The following RERE variants were observed in gnomAD, a reference collection of about 807,000 sequenced individuals.
The protein encoded by RERE is arginine-glutamic acid dipeptide repeats.
In RERE, 40 loss-of-function variants were observed where a neutral mutation model predicts 146.1. The ratio of observed to expected loss-of-function variants is 0.27; its 90% confidence interval spans 0.21 to 0.36. The LOEUF (loss-of-function observed/expected upper bound fraction) is 0.36, where lower values mean the gene tolerates loss of function less well. Among genes scored for constraint, RERE ranks in the 10% least tolerant of loss-of-function variants. RERE has a pLI of 1.00. For synonymous variants in RERE, 1,003 were observed against 866.0 expected (o/e 1.16, Z -2.78); for missense variants, 1,933 against 2,138.7 (o/e 0.90, Z 1.90).
intron 1 of RERE, among the ~76,000 whole-genome samples, chr1:8,766,649 A>C (rs1310181983): frequency 6.6e-6 from 1 of 152,282 alleles, no homozygotes; most frequent in South Asian, 2.1e-4. Flanking sequence ...GGAAAAAGAA[A>C]CAATACTTGA....
intron 1 of RERE, among the ~76,000 whole-genome samples, chr1:8,706,653 G>C (rs1409864744): frequency 1.3e-5 from 2 of 152,184 alleles, no homozygotes; most frequent in Non-Finnish European, 2.9e-5. Flanking sequence ...ATTCTGCTGT[G>C]AATGAGGGGA....
At chr1:8,592,244 C>CCTT (rs1344906257) in intron 4 of RERE, among the ~76,000 whole-genome samples, 3 of 152,134 alleles carry the variant, frequency 2.0e-5, no homozygotes, top group Non-Finnish European at 4.4e-5. Flanking sequence ...AGGCTCCTGC[C>CCTT]CTTCCAAACC....
intron 7 of RERE, among the ~76,000 whole-genome samples, chr1:8,528,306 C>A (rs1349024265): frequency 1.3e-5 from 2 of 152,102 alleles, no homozygotes; most frequent in African/African-American, 4.8e-5. Flanking sequence ...ATTAAAGAGA[C>A]ACAACAATTA....
intron 8 of RERE, among the ~76,000 whole-genome samples, chr1:8,503,992 AAAG>A (rs1645216200): frequency 6.6e-6 from 1 of 152,242 alleles, no homozygotes; most frequent in South Asian, 2.1e-4. Flanking sequence ...GATATACATA[AAAG>A]AAGGACAGAA....
intron 11 of RERE, among the ~76,000 whole-genome samples, chr1:8,448,083 C>T (rs1464777973): frequency 6.6e-6 from 1 of 152,154 alleles, no homozygotes; most frequent in African/African-American, 2.4e-5. Context: ...TCTGGGCATC[C>T]AAGTCCACCA....
At chr1:8,496,256 T>A (rs1472282794) in intron 9 of RERE, among the ~76,000 whole-genome samples, 1 of 151,686 alleles carries the variant, frequency 6.6e-6, no homozygotes, top group Non-Finnish European at 1.5e-5. Flanking sequence ...CACAACACCG[T>A]TGACTAGAAA....
At chr1:8,484,898 T>C (rs1644879178) in intron 10 of RERE, among the ~76,000 whole-genome samples, 1 of 152,242 alleles carries the variant, frequency 6.6e-6, no homozygotes, top group African/African-American at 2.4e-5. Flanking sequence ...CAAAGCTGTT[T>C]CTTATGTATG....
At chr1:8,710,918 AG>A (rs561585043) in intron 1 of RERE, among the ~76,000 whole-genome samples, 299 of 152,134 alleles carry the variant, frequency 2.0e-3, no homozygotes, top group Non-Finnish European at 3.5e-3. Flanking sequence ...GCACTTTGGG[AG>A]GCCAAGGCGG....
At position 8,362,793 on chromosome 1, in the gene RERE, G is replaced by A. The variant is rs765762095; in HGVS notation, c.1792C>T (p.Arg598Cys). 2.1e-5 allele frequency: 34 copies of A among 1,614,034 alleles called. No individual in the cohort carries two copies. Among genetic ancestry groups the A allele is most frequent in the Non-Finnish European group, 2.6e-5 (31 of 1,180,046 alleles). The change falls in exon 16 of 23, where the codon CGC (arginine) becomes TGC (cysteine). Residue 598 changes from arginine to cysteine, a missense_variant. This residue lies in a region of RERE where 1,255 missense variants were observed against 1,153.8 expected (regional missense o/e 1.09). Transcript: ENST00000400908. Reference protein sequence around the residue: ...RKKQPASPDGRTSPINEDIRS... With the variant: ...RKKQPASPDGCTSPINEDIRS... ...ATGTCTTCATTGATGGGTGAGGTGC[G>A]ACCATCAGGGCTGGCTGGCTGCTTC...
At chr1:8,640,156 G>GAAA (rs5772329) in intron 2 of RERE, among the ~76,000 whole-genome samples, 1 of 150,030 alleles carries the variant, frequency 6.7e-6, no homozygotes, top group African/African-American at 2.5e-5. Context: ...CCCTGTCTCA[G>GAAA]AAAAAAAAAG....
intron 12 of RERE, among the ~76,000 whole-genome samples, chr1:8,370,804 A>G (rs1642008858): frequency 2.0e-5 from 3 of 152,364 alleles, no homozygotes; most frequent in Admixed American, 6.5e-5. Flanking sequence ...CGCTGCACAT[A>G]AATTCAGGGA....
At chr1:8,565,444 T>C (rs1646142559) in intron 4 of RERE, among the ~76,000 whole-genome samples, 1 of 152,240 alleles carries the variant, frequency 6.6e-6, no homozygotes, top group Non-Finnish European at 1.5e-5. Flanking sequence ...CCGTGGCGCA[T>C]GCCTGGAATC....
chr1:8,764,210 C>T (rs1640806413), intron 1 of RERE, among the ~76,000 whole-genome samples: 1 of 152,136 alleles, frequency 6.6e-6, no homozygotes, highest in African/African-American at 2.4e-5. Flanking sequence ...TCAGCCCTGG[C>T]CTCAGAGTAC....
At chr1:8,751,897 T>C (rs1260502064) in intron 1 of RERE, among the ~76,000 whole-genome samples, 1 of 151,950 alleles carries the variant, frequency 6.6e-6, no homozygotes, top group Non-Finnish European at 1.5e-5. Context: ...TAATAGAATT[T>C]TCAGCACTTG....
At chr1:8,805,841 CTTCTTTTTTTTTTT>C (rs1641681154) in intron 1 of RERE, 2 of 131,588 alleles carry the variant, frequency 1.5e-5, no homozygotes, top group African/African-American at 5.8e-5. Context: ...ACAAAACAAC[CTTCTTTTTTTTTTT>C]TTTTTTTTTT....
At chr1:8,540,385 T>C (rs1645785706) in intron 7 of RERE, among the ~76,000 whole-genome samples, 1 of 152,234 alleles carries the variant, frequency 6.6e-6, no homozygotes, top group Admixed American at 6.5e-5. Context: ...GGTTCTAGGA[T>C]TACAGGCATG....
At chr1:8,355,684 A>T in intron 21 of RERE, 85 bp from the exon 22 acceptor site, 1 of 1,180,540 alleles carries the variant, frequency 8.5e-7, no homozygotes, top group Non-Finnish European at 1.2e-6. Context: ...CAAACGGCAA[A>T]GAGCACAGGA....
At chr1:8,572,502 T>C (rs1287620543) in intron 4 of RERE, among the ~76,000 whole-genome samples, 1 of 152,222 alleles carries the variant, frequency 6.6e-6, no homozygotes, top group African/African-American at 2.4e-5. Context: ...AGAGGTAATA[T>C]GGTCTCAGGA....
intron 1 of RERE, among the ~76,000 whole-genome samples, chr1:8,721,028 T>C (rs1639854293): frequency 6.6e-6 from 1 of 152,060 alleles, no homozygotes; most frequent in African/African-American, 2.4e-5. Context: ...CACACCAGCC[T>C]GGGTGACAGA....
Sources: allele counts gnomAD v4.1 joint callset (sites outside exome capture counted in the v4.1 genomes callset), GRCh38; gene constraint gnomAD v4.1.1; regional missense constraint gnomAD v4.1.1; transcripts MANE v1.5; gene names NCBI Gene and HGNC (gene_info 2026-07-23, HGNC 2026-07-21).